LINGO2: variants seen among roughly 807,000 people sequenced by gnomAD.
LINGO2 encodes the protein leucine rich repeat and Ig domain containing 2.
In LINGO2, 14 loss-of-function variants were observed where a neutral mutation model predicts 30.6. That is an observed-to-expected ratio of 0.46 (90% CI 0.30 to 0.72). The LOEUF is 0.72. Among genes scored for constraint, LINGO2 ranks in the 30% least tolerant of loss-of-function variants. The pLI, the probability that LINGO2 is intolerant of heterozygous loss-of-function variation, is 0.07. For missense variants in LINGO2, 729 were observed against 751.7 expected (o/e 0.97, Z 0.35); for synonymous variants, 317 against 288.5 (o/e 1.10, Z -1.00).
chr9:28,891,650 C>T, the LINGO2 span, among the ~76,000 whole-genome samples: 137,381 of 151,840 alleles, frequency 0.9, 62,354 homozygotes, highest in Non-Finnish European at 0.94. Context: ...ATGATGAAAA[C>T]TATACCCATT....
chr9:28,118,565 G>A (rs1371498854), intron 4 of LINGO2, among the ~76,000 whole-genome samples: 3 of 152,070 alleles, frequency 2.0e-5, no homozygotes, highest in Non-Finnish European at 4.4e-5. Flanking sequence ...GCTTGAGAGT[G>A]GGCATTATGA....
chr9:28,096,473 T>G (rs931930067), intron 4 of LINGO2, among the ~76,000 whole-genome samples: 2 of 152,164 alleles, frequency 1.3e-5, no homozygotes, highest in African/African-American at 4.8e-5. Context: ...GGAAATTACT[T>G]ATGTCACTTC....
At chr9:28,715,342 A>G in the LINGO2 span, among the ~76,000 whole-genome samples, 9 of 152,298 alleles carry the variant, frequency 5.9e-5, no homozygotes, top group Admixed American at 2.0e-4. Context: ...TAGAAAATAA[A>G]CCATTATTCC....
chr9:29,115,012 T>C, the LINGO2 span, among the ~76,000 whole-genome samples: 3 of 152,088 alleles, frequency 2.0e-5, no homozygotes, highest in Admixed American at 1.3e-4. Flanking sequence ...CTTTATGAAG[T>C]TCTCATGTGT....
chr9:28,802,654 C>G, the LINGO2 span, among the ~76,000 whole-genome samples: 93 of 151,998 alleles, frequency 6.1e-4, no homozygotes, highest in Admixed American at 1.8e-3. Context: ...TACCCACCAG[C>G]CAACTTAACT....
chr9:28,095,066 G>A lies in LINGO2; in HGVS notation c.-86-82661C>T, dbSNP rs1262979304. Among the ~76,000 whole-genome samples, 3 of 152,062 alleles carry A rather than the reference G, an allele frequency of 2.0e-5. No homozygotes were observed. The East Asian group carries it at 5.8e-4, about 29-fold the overall frequency. ...ATTAAAAGTTTAATATTTACATTAT[G>A]TCTGAACTCCAAAATTTTCCATTCA... On this transcript the variant is annotated intron_variant, in intron 4 of 5. Transcript: ENST00000379992.
At chr9:28,706,422 A>G in the LINGO2 span, among the ~76,000 whole-genome samples, 449 of 152,294 alleles carry the variant, frequency 2.9e-3, 3 homozygotes, top group African/African-American at 0.01. Flanking sequence ...ATGAAGGAAT[A>G]GAATATTTTA....
At chr9:28,506,914 T>C (rs1820162234) in intron 1 of LINGO2, among the ~76,000 whole-genome samples, 1 of 152,072 alleles carries the variant, frequency 6.6e-6, no homozygotes, top group African/African-American at 2.4e-5. Context: ...ATTTGTTTCA[T>C]TAAATTTTAT....
At chr9:28,773,234 G>A in the LINGO2 span, among the ~76,000 whole-genome samples, 4 of 151,620 alleles carry the variant, frequency 2.6e-5, no homozygotes, top group Non-Finnish European at 5.9e-5. Flanking sequence ...GTGTAGTGGC[G>A]GGCGCCTGTA....
chr9:28,773,642 G>A, the LINGO2 span, among the ~76,000 whole-genome samples: 6 of 152,024 alleles, frequency 3.9e-5, no homozygotes, highest in Non-Finnish European at 8.8e-5. Flanking sequence ...CTGCTTGTTT[G>A]TACAATACTA....
intron 4 of LINGO2, among the ~76,000 whole-genome samples, chr9:28,199,104 A>T (rs1259309410): frequency 1.3e-5 from 2 of 152,192 alleles, no homozygotes; most frequent in African/African-American, 2.4e-5. Flanking sequence ...AAATACATGT[A>T]TCATAGTTCT....
At chr9:28,615,404 G>C (rs1826094058) in intron 1 of LINGO2, among the ~76,000 whole-genome samples, 1 of 152,098 alleles carries the variant, frequency 6.6e-6, no homozygotes, top group Non-Finnish European at 1.5e-5. Flanking sequence ...AGCAGAAAAA[G>C]GGCTGCAATA....
At chr9:29,207,558 T>C in the LINGO2 span, among the ~76,000 whole-genome samples, 3 of 152,158 alleles carry the variant, frequency 2.0e-5, no homozygotes, top group African/African-American at 2.4e-5. Context: ...ACTTCAGGTA[T>C]GATATTTGTA....
intron 4 of LINGO2, among the ~76,000 whole-genome samples, chr9:28,072,272 C>T (rs1016133478): frequency 6.6e-6 from 1 of 152,198 alleles, no homozygotes; most frequent in African/African-American, 2.4e-5. Flanking sequence ...GAGACCTGTC[C>T]TCTCTTAAGA....
At chr9:29,071,507 AT>A in the LINGO2 span, among the ~76,000 whole-genome samples, 2 of 112,768 alleles carry the variant, frequency 1.8e-5, no homozygotes, top group South Asian at 2.5e-4. Context: ...ATATATATAT[AT>A]ATATATATAT....
chr9:28,476,469 G>A (rs1268874838), intron 1 of LINGO2, among the ~76,000 whole-genome samples: 4 of 151,974 alleles, frequency 2.6e-5, no homozygotes, highest in African/African-American at 7.2e-5. Flanking sequence ...TAGAGACGGG[G>A]TTTCACCGTG....
At chr9:28,317,389 T>C (rs1824882796) in intron 3 of LINGO2, among the ~76,000 whole-genome samples, 1 of 152,112 alleles carries the variant, frequency 6.6e-6, no homozygotes, top group Non-Finnish European at 1.5e-5. Context: ...AAAAGACAAA[T>C]AAAAATCTTA....
intron 1 of LINGO2, among the ~76,000 whole-genome samples, chr9:28,607,822 C>T (rs1825754849): frequency 6.6e-6 from 1 of 151,898 alleles, no homozygotes; most frequent in African/African-American, 2.4e-5. Context: ...ATGTGATGGG[C>T]CAACTTATGT....
chr9:28,771,356 C>T, the LINGO2 span, among the ~76,000 whole-genome samples: 1 of 151,512 alleles, frequency 6.6e-6, no homozygotes, highest in Non-Finnish European at 1.5e-5. Flanking sequence ...CTAGAATTTA[C>T]TATTTCAATA....
Sources: allele counts gnomAD v4.1 joint callset (sites outside exome capture counted in the v4.1 genomes callset), GRCh38; gene constraint gnomAD v4.1.1; transcripts MANE v1.5; gene names NCBI Gene and HGNC (gene_info 2026-07-23, HGNC 2026-07-21).